The following DENND1C variants were observed in gnomAD, a reference collection of about 807,000 sequenced individuals.
DENND1C encodes DENN domain containing 1C.
Under a neutral mutation model 87.9 loss-of-function variants are expected in DENND1C, and 64 were observed. The ratio of observed to expected loss-of-function variants is 0.73; its 90% confidence interval spans 0.60 to 0.90. DENND1C has a LOEUF of 0.90. DENND1C is among the 40% of genes least tolerant of loss of function. The probability of loss-of-function intolerance (pLI) is 0.00; values close to 1 mark genes in which losing one functional copy is unlikely to be tolerated. For missense variants in DENND1C, 980 were observed against 1,037.0 expected (o/e 0.95, Z 0.76); for synonymous variants, 384 against 424.4 (o/e 0.90, Z 1.17).
intron 2 of DENND1C, 39 bp from the exon 3 acceptor site, chr19:6,479,941 G>GGCCC: frequency 1.3e-6 from 2 of 1,590,070 alleles, no homozygotes; most frequent in Non-Finnish European, 1.7e-6. Context: ...AGCGACCCAG[G>GGCCC]CCCACCCTCC....
intron 15 of DENND1C, among the ~76,000 whole-genome samples, 198 bp downstream of exon 15, chr19:6,472,691 G>A (rs2092836209): frequency 6.6e-6 from 1 of 152,116 alleles, no homozygotes; most frequent in Non-Finnish European, 1.5e-5. Context: ...GCCCAGCCGG[G>A]GGCTCCCATC....
At chr19:6,473,491 G>A (rs935987952) in intron 14 of DENND1C, among the ~76,000 whole-genome samples, 50 of 133,176 alleles carry the variant, frequency 3.8e-4, no homozygotes, top group African/African-American at 1.4e-3. Context: ...CTTTTTTTGA[G>A]TCAGGGTCTC....
At chr19:6,480,168 A>G in intron 1 of DENND1C, 117 bp from the exon 2 acceptor site, 8 of 1,507,988 alleles carry the variant, frequency 5.3e-6, no homozygotes, top group Non-Finnish European at 7.1e-6. Flanking sequence ...CGGCATGTGC[A>G]TGACTCTGGG....
chr19:6,481,654 G>T (rs1414827017), intron 1 of DENND1C, 25 bp downstream of exon 1: 3 of 1,612,174 alleles, frequency 1.9e-6, no homozygotes, highest in Non-Finnish European at 2.5e-6. Flanking sequence ...TTGTACCAGA[G>T]AATGAGGGAT....
rs769341468 is a variant in DENND1C, at chr19:6,468,633, G to A, written c.1528C>T (p.Arg510Cys). Residue 510 changes from arginine (R) to cysteine (C), a missense_variant, in exon 21 of 23, where the codon CGC (arginine) becomes TGC (cysteine). Transcript: ENST00000381480. The stretch of plus-strand genomic sequence containing the variant: ...TCCAGCTGGCGTCTCCTGCTGGGGC[G>A]AAGGGGCCGGTTCTGCAAAGGGTGG... ...TQHFGKNRPLRPSRRRQLEEG... is the reference protein window; with the variant it reads ...TQHFGKNRPLCPSRRRQLEEG... 22 of 1,491,674 alleles carry A rather than the reference G, an allele frequency of 1.5e-5. No homozygotes were observed. The Admixed American group carries it at 3.5e-4, about 24-fold the overall frequency. The allele number at this position is 1,491,674 out of a possible 1,614,324, so 92.4% of individuals were successfully genotyped here.
At chr19:6,471,589 C>T (rs2092829980) in intron 15 of DENND1C, 93 bp from the exon 16 acceptor site, 1 of 1,213,338 alleles carries the variant, frequency 8.2e-7, no homozygotes, top group Non-Finnish European at 1.1e-6. Flanking sequence ...TAGAAGCCAT[C>T]TCTGGCCTCC....
In DENND1C at chr19:6,468,252, C is replaced by T; in HGVS notation, c.1773G>A (p.Leu591=). 1 of 1,613,384 alleles carries T rather than the reference C, an allele frequency of 6.2e-7. No homozygotes were observed. Among genetic ancestry groups the T allele is most frequent in the Non-Finnish European group, 8.5e-7 (1 of 1,179,610 alleles). ...QSLDCCHRGD[L]DSCFSLPNIP... ...CTCTCACCAGGCTGAAGCAGCTGTC[C>T]AGGTCTCCTCTGTGACAGCAGTCTA... Residue 591 remains leucine, a synonymous_variant, in exon 22 of 23, where the codon CTG becomes CTA. Coordinates refer to ENST00000381480, the MANE Select transcript of DENND1C (RefSeq NM_024898.4).
rs780528961 is a variant in DENND1C, at chr19:6,477,211, C to T, written c.513+7G>A. 9 of 1,587,796 alleles carry T rather than the reference C, an allele frequency of 5.7e-6. No individual in the cohort carries two copies. The highest frequency in any genetic ancestry group is 1.9e-5 in the Admixed American group (1 of 53,986). On this transcript the variant is annotated splice_region_variant and intron_variant, in intron 8 of 22. Transcript: ENST00000381480. ...CCGACCTTCCAGGGTCCCCGAGCCC[C>T]GCTCACCGGCTTGCTATTCCCCCGG... is the stretch of plus-strand genomic sequence containing the variant.
At chr19:6,477,316 G>A (rs773960467) in intron 7 of DENND1C, 33 bp from the exon 8 acceptor site, 10 of 1,605,006 alleles carry the variant, frequency 6.2e-6, no homozygotes. Flanking sequence ...TGGTCATGAT[G>A]GCTGGGACGC....
At chr19:6,479,281 A>G (rs1160786914) in intron 4 of DENND1C, among the ~76,000 whole-genome samples, 76 of 135,700 alleles carry the variant, frequency 5.6e-4, no homozygotes, top group African/African-American at 2.4e-3. Flanking sequence ...GGGTTTCTGG[A>G]TCTCTGGGTC....
chr19:6,470,636 T>TTTTTTG (rs2092823519), intron 17 of DENND1C, among the ~76,000 whole-genome samples: 1 of 149,190 alleles, frequency 6.7e-6, no homozygotes, highest in Admixed American at 6.7e-5. Flanking sequence ...TTTTTTTTTT[T>TTTTTTG]GCTGAGATGC....
rs3852881 is a variant in DENND1C, at chr19:6,480,154, G to A, written c.18-103C>T. 4.4e-3 allele frequency: 6,691 copies of A among 1,521,838 alleles called. 224 individuals carry two copies. The African/African-American group carries it at 0.072, about 16-fold the overall frequency. The allele number at this position is 1,521,838 out of a possible 1,614,324, so 94.3% of individuals were successfully genotyped here. Reference sequence around the variant, plus strand: ...GTTGTGTGTGCATGTGCCACAAGGTGCGTCGGCATGTGCATGACTCTGGGG... The same window carrying A: ...GTTGTGTGTGCATGTGCCACAAGGTACGTCGGCATGTGCATGACTCTGGGG... On this transcript the variant is annotated intron_variant, in intron 1 of 22. Transcript: ENST00000381480.
In DENND1C at chr19:6,467,413, G is replaced by C; in HGVS notation, c.*91C>G. On this transcript the variant is annotated 3_prime_UTR_variant, in exon 23 of 23. Coordinates refer to ENST00000381480, the MANE Select transcript of DENND1C (RefSeq NM_024898.4). ...GGATGGATTTCCGAGCAGAGTGAGG[G>C]CACCAGAGAAATTCACCAGGAAAAA... 1 of 1,422,766 alleles carries C rather than the reference G, an allele frequency of 7.0e-7. No individual in the cohort carries two copies. Among genetic ancestry groups the C allele is most frequent in the Admixed American group, 2.6e-5 (1 of 37,848 alleles). The allele number at this position is 1,422,766 out of a possible 1,614,324, so 88.1% of individuals were successfully genotyped here.
intron 1 of DENND1C, among the ~76,000 whole-genome samples, chr19:6,481,460 G>GGA (rs1491454323): frequency 1.5e-5 from 1 of 67,116 alleles, no homozygotes; most frequent in African/African-American, 4.0e-5. Flanking sequence ...CACAGGAGCT[G>GGA]GATAGAGAGA....
chr19:6,474,793 G>C (rs1414318958), intron 14 of DENND1C, among the ~76,000 whole-genome samples: 1 of 152,026 alleles, frequency 6.6e-6, no homozygotes, highest in Non-Finnish European at 1.5e-5. Context: ...CGGTGGCCGG[G>C]CATGGTGGCT....
chr19:6,467,652 T>TTGGGAGGCCGGGCTC lies in DENND1C; in HGVS notation c.2243_2257dup (p.Arg748_Pro752dup). 6.5e-7 allele frequency: 1 copy of TTGGGAGGCCGGGCTC among 1,536,892 alleles called. No homozygotes were observed. Among genetic ancestry groups the TTGGGAGGCCGGGCTC allele is most frequent in the Non-Finnish European group, 8.7e-7 (1 of 1,144,804 alleles). ...GTGAGCGCGCTCTGCCAGCAGGGCT[T>TTGGGAGGCCGGGCTC]TGGGAGGCCGGGCTCTGGGGTCCTC... On this transcript the variant is annotated inframe_insertion, in exon 23 of 23. Transcript: ENST00000381480.
At chr19:6,470,780 C>G (rs1230056859) in intron 17 of DENND1C, among the ~76,000 whole-genome samples, 2 of 150,834 alleles carry the variant, frequency 1.3e-5, no homozygotes, top group Admixed American at 1.3e-4. Context: ...TGCCACCACA[C>G]CCGGCTAATT....
At chr19:6,477,519 G>A (rs1031582542) in intron 6 of DENND1C, 61 bp from the exon 7 acceptor site, 1 of 1,507,376 alleles carries the variant, frequency 6.6e-7, no homozygotes, top group African/African-American at 1.4e-5. Context: ...GGGATTCCGA[G>A]GGCTATGACT....
chr19:6,481,463 T>TAGAGAG (rs4028204), intron 1 of DENND1C, among the ~76,000 whole-genome samples: 68 of 147,978 alleles, frequency 4.6e-4, no homozygotes, highest in African/African-American at 7.2e-4. Flanking sequence ...AGGAGCTGGA[T>TAGAGAG]AGAGAGAGAG....
Sources: gnomAD v4.1 joint callset for allele counts (sites outside exome capture counted in the v4.1 genomes callset) on GRCh38, gnomAD v4.1.1 for gene constraint, MANE v1.5 for transcripts, NCBI Gene and HGNC (gene_info 2026-07-23, HGNC 2026-07-21) for gene names.